The following SOAT1 variants were observed in gnomAD, a reference collection of about 807,000 sequenced individuals.
SOAT1 encodes the protein sterol O-acyltransferase 1.
SOAT1 carries 55 observed loss-of-function variants against 69.5 expected under a neutral mutation model. The observed-to-expected ratio is 0.79, with a 90% CI of 0.64 to 0.99. The LOEUF is 0.99. Among genes scored for constraint, SOAT1 ranks in the 50% least tolerant of loss-of-function variants. The pLI is 0.00. For missense variants in SOAT1, 580 were observed against 669.3 expected (o/e 0.87, Z 1.47); for synonymous variants, 231 against 224.7 (o/e 1.03, Z -0.25).
At chr1:179,318,110 A>G (rs12066392) in intron 2 of SOAT1, among the ~76,000 whole-genome samples, 32,012 of 151,748 alleles carry the variant, frequency 0.21, 3,541 homozygotes, top group Non-Finnish European at 0.23. Context: ...CAGGAGGATC[A>G]CTTGAGATCA....
At chr1:179,307,745 T>C (rs555652184) in intron 2 of SOAT1, among the ~76,000 whole-genome samples, 9 of 152,264 alleles carry the variant, frequency 5.9e-5, no homozygotes, top group Admixed American at 2.0e-4. Flanking sequence ...ATAGCAAATA[T>C]GAAAGCACTT....
chr1:179,316,421 A>C (rs1665396887), intron 2 of SOAT1, among the ~76,000 whole-genome samples: 1 of 151,790 alleles, frequency 6.6e-6, no homozygotes, highest in Non-Finnish European at 1.5e-5. Context: ...TTTGAGATGG[A>C]GTTTCACTCT....
chr1:179,333,098 A>G (rs927875090), intron 3 of SOAT1, among the ~76,000 whole-genome samples: 1 of 152,362 alleles, frequency 6.6e-6, no homozygotes, highest in Non-Finnish European at 1.5e-5. Context: ...AAAGGACTAA[A>G]TGATAGGATT....
intron 4 of SOAT1, 62 bp from the exon 5 acceptor site, chr1:179,337,775 G>A: frequency 8.3e-7 from 1 of 1,200,952 alleles, no homozygotes; most frequent in Non-Finnish European, 1.2e-6. Context: ...CTTGTCTGTG[G>A]GATTAGATTT....
rs1254739765 is a variant in SOAT1 at position 179,356,521 on chromosome 1, A to C, written c.*2880A>C. The C allele has an allele frequency of 3.2e-5, 2 of 62,432 alleles. No homozygotes were observed. The highest frequency in any genetic ancestry group is 8.7e-4 in the East Asian group (2 of 2,306). 3.9% of individuals were successfully genotyped at this position (62,432 alleles called of 1,614,324 possible). ...AGAGTCTTGTTCTGTCGCCCAGGCC[A>C]GTTTTTTTTTTCTTGTACAGATGGG... On this transcript the variant is annotated 3_prime_UTR_variant, in exon 16 of 16. Transcript: ENST00000367619.
chr1:179,329,585 G>A (rs1273938855), intron 3 of SOAT1, among the ~76,000 whole-genome samples: 1 of 151,608 alleles, frequency 6.6e-6, no homozygotes, highest in Admixed American at 6.6e-5. Context: ...GGCGGGTCTG[G>A]TGGTATACAC....
At chr1:179,343,542 T>G (rs920021604) in intron 9 of SOAT1, 48 bp from the exon 10 acceptor site, 3 of 1,512,796 alleles carry the variant, frequency 2.0e-6, no homozygotes, top group Middle Eastern at 1.8e-4. Flanking sequence ...TTTATTCAAG[T>G]TCAATTACTT....
At chr1:179,343,444 C>G (rs1666413564) in intron 9 of SOAT1, 146 bp from the exon 10 acceptor site, 1 of 574,830 alleles carries the variant, frequency 1.7e-6, no homozygotes, top group Admixed American at 3.0e-5. Flanking sequence ...CCAGGCTGGT[C>G]TCGAACTCCT....
chr1:179,329,402 T>C (rs1032727245), intron 3 of SOAT1, among the ~76,000 whole-genome samples: 1 of 152,064 alleles, frequency 6.6e-6, no homozygotes, highest in Non-Finnish European at 1.5e-5. Context: ...TCTCACCATG[T>C]TTTTTCAGTC....
chr1:179,338,580 G>T (rs555572886), intron 5 of SOAT1, among the ~76,000 whole-genome samples: 5 of 152,158 alleles, frequency 3.3e-5, no homozygotes, highest in African/African-American at 1.2e-4. Flanking sequence ...GTAATGTATA[G>T]TGTTAAGTGT....
chr1:179,322,013 C>T (rs1665622587), intron 2 of SOAT1, among the ~76,000 whole-genome samples: 1 of 151,802 alleles, frequency 6.6e-6, no homozygotes, highest in East Asian at 1.9e-4. Flanking sequence ...TCCCAGGTAG[C>T]TGGGACTACA....
Position 179,354,494 on chromosome 1 carries a change from TTG to T in SOAT1, c.*856_*857del, listed in dbSNP as rs1666845690. ...ACATGGAAGATATTCCTTTTTAACT[TTG>T]TGGTAACTTCTTTGAAGTTATTTAG... On this transcript the variant is annotated 3_prime_UTR_variant, in exon 16 of 16. Transcript: ENST00000367619. 3.9e-5 allele frequency: 6 copies of T among 152,226 alleles called. No homozygotes were observed. The highest frequency in any genetic ancestry group is 2.6e-4 in the Admixed American group (4 of 15,274). 9.4% of individuals were successfully genotyped at this position (152,226 alleles called of 1,614,324 possible).
At chr1:179,343,495 C>T (rs1349843433) in intron 9 of SOAT1, 95 bp from the exon 10 acceptor site, 3 of 1,047,708 alleles carry the variant, frequency 2.9e-6, no homozygotes, top group Non-Finnish European at 4.3e-6. Context: ...AGGTGTGAGC[C>T]ACCGCGCCTG....
At chr1:179,347,240 T>A (rs1666563085) in intron 11 of SOAT1, among the ~76,000 whole-genome samples, 1 of 151,592 alleles carries the variant, frequency 6.6e-6, no homozygotes, top group Non-Finnish European at 1.5e-5. Context: ...TGCCTGTAGT[T>A]CCAGCTACTT....
intron 2 of SOAT1, among the ~76,000 whole-genome samples, chr1:179,311,985 T>C (rs1265602767): frequency 2.0e-5 from 3 of 152,196 alleles, no homozygotes; most frequent in African/African-American, 7.2e-5. Context: ...ACAGAAATGT[T>C]GGAGAAGAGG....
At chr1:179,342,841 A>T in intron 8 of SOAT1, 21 bp from the exon 9 acceptor site, 1 of 1,583,718 alleles carries the variant, frequency 6.3e-7, no homozygotes, top group Non-Finnish European at 8.7e-7. Context: ...CTTTGCTCTA[A>T]CTATAGTTTT....
intron 1 of SOAT1, among the ~76,000 whole-genome samples, chr1:179,294,826 C>A (rs958243271): frequency 2.0e-5 from 3 of 152,264 alleles, no homozygotes; most frequent in African/African-American, 7.2e-5. Context: ...AGCCACCGCG[C>A]CTGGCCTGTT....
chr1:179,335,786 G>A (rs1666126929), intron 4 of SOAT1, 129 bp downstream of exon 4: 2 of 815,788 alleles, frequency 2.5e-6, no homozygotes, highest in African/African-American at 1.7e-5. Flanking sequence ...TGTTACATTG[G>A]GAAAGTTACT....
chr1:179,342,678 T>C lies in SOAT1; in HGVS notation c.860-184T>C, dbSNP rs530294589. On this transcript the variant is annotated intron_variant, in intron 8 of 15. Transcript: ENST00000367619. ...TCTCAGTCACAGGAATAACTTGGTT[T>C]AAAGAGATTGGTAATATTCAATTCG... is the stretch of plus-strand genomic sequence containing the variant. 2.0e-5 allele frequency among the ~76,000 whole-genome samples: 3 copies of C among 152,334 alleles called. No homozygotes were observed. In the South Asian group the frequency reaches 6.2e-4, roughly 32 times the overall value.
Sources: gnomAD v4.1 joint callset for allele counts (sites outside exome capture counted in the v4.1 genomes callset) on GRCh38, gnomAD v4.1.1 for gene constraint, MANE v1.5 for transcripts, NCBI Gene and HGNC (gene_info 2026-07-23, HGNC 2026-07-21) for gene names.